KIF21A: variants seen among roughly 807,000 people sequenced by gnomAD.
KIF21A encodes the protein kinesin family member 21A.
Under a neutral mutation model 202.9 loss-of-function variants are expected in KIF21A, and 114 were observed. The observed-to-expected ratio is 0.56, with a 90% confidence interval of 0.48 to 0.66. The LOEUF (loss-of-function observed/expected upper bound fraction) is 0.66. Among genes scored for constraint, KIF21A ranks in the 30% least tolerant of loss-of-function variants. KIF21A has a pLI of 0.00. For synonymous variants in KIF21A, 667 were observed against 670.8 expected, an observed-to-expected ratio of 0.99 and a Z score of 0.09; for missense variants, 1,677 against 1,994.9, an observed-to-expected ratio of 0.84 and a Z score of 3.04.
intron 1 of KIF21A, among the ~76,000 whole-genome samples, chr12:39,383,020 T>C (rs1229127565): frequency 6.6e-6 from 1 of 152,222 alleles, no homozygotes; most frequent in Non-Finnish European, 1.5e-5. Flanking sequence ...CTATTACTTT[T>C]AGGACAAAAT....
At chr12:39,296,850 T>C (rs565355874) in intron 37 of KIF21A, among the ~76,000 whole-genome samples, 1 of 152,308 alleles carries the variant, frequency 6.6e-6, no homozygotes, top group South Asian at 2.1e-4. Context: ...CTACATGAAA[T>C]GGAGGACCAC....
intron 20 of KIF21A, 21 bp downstream of exon 20, chr12:39,332,570 T>A: frequency 6.3e-7 from 1 of 1,599,078 alleles, no homozygotes; most frequent in Non-Finnish European, 8.5e-7. Context: ...GGGGAGCGTA[T>A]CTACTCTCTA....
At chr12:39,322,511 C>T (rs1945386533) in intron 27 of KIF21A, 157 bp downstream of exon 27, 1 of 591,848 alleles carries the variant, frequency 1.7e-6, no homozygotes, top group African/African-American at 1.9e-5. Flanking sequence ...TTCAACTCTC[C>T]AATACCTTAG....
chr12:39,364,084 C>T (rs897884411), intron 6 of KIF21A, among the ~76,000 whole-genome samples: 3 of 152,172 alleles, frequency 2.0e-5, no homozygotes, highest in Non-Finnish European at 4.4e-5. Flanking sequence ...AGTCAAATTA[C>T]AGAACTCTGT....
chr12:39,350,651 C>T (rs1336639622), intron 11 of KIF21A, among the ~76,000 whole-genome samples: 4 of 151,952 alleles, frequency 2.6e-5, no homozygotes, highest in African/African-American at 4.8e-5. Context: ...CTTAATGCTG[C>T]CATAATCAAT....
intron 1 of KIF21A, among the ~76,000 whole-genome samples, chr12:39,394,492 G>A (rs1380308914): frequency 6.6e-6 from 1 of 152,120 alleles, no homozygotes; most frequent in African/African-American, 2.4e-5. Flanking sequence ...TATGTACCAG[G>A]CACTGATTTA....
intron 17 of KIF21A, among the ~76,000 whole-genome samples, chr12:39,336,169 C>A (rs1946948884): frequency 6.6e-6 from 1 of 152,076 alleles, no homozygotes; most frequent in African/African-American, 2.4e-5. Context: ...ATCCTCCGGC[C>A]TCAGTCTCTC....
chr12:39,309,697 T>C lies in KIF21A; in HGVS notation c.4166A>G (p.Asn1389Ser), dbSNP rs745549119. Reference protein sequence around the residue: ...EIMSLGGHPNNVVSVKYCNYT... With the variant: ...EIMSLGGHPNSVVSVKYCNYT... Reference sequence around the variant, plus strand: ...ATTACAGTATTTTACAGACACGACATTGTTGGGATGACCCCCCAGTGACAT... The same window carrying C: ...ATTACAGTATTTTACAGACACGACACTGTTGGGATGACCCCCCAGTGACAT... The change falls in exon 33 of 38, where the codon AAT (asparagine) becomes AGT (serine). Residue 1389 changes from asparagine to serine, a missense_variant. Transcript: ENST00000361418. 2 of 1,613,520 alleles carry C rather than the reference T, an allele frequency of 1.2e-6. No individual in the cohort carries two copies. The highest frequency in any genetic ancestry group is 2.2e-5 in the East Asian group (1 of 44,838).
At chr12:39,433,294 G>A (rs1454290947) in intron 1 of KIF21A, among the ~76,000 whole-genome samples, 1 of 152,056 alleles carries the variant, frequency 6.6e-6, no homozygotes, top group Non-Finnish European at 1.5e-5. Context: ...CTTCAGGCAA[G>A]TCTTTATATA....
intron 1 of KIF21A, among the ~76,000 whole-genome samples, chr12:39,411,242 A>G (rs1228255526): frequency 2.0e-5 from 3 of 152,170 alleles, no homozygotes; most frequent in Non-Finnish European, 2.9e-5. Flanking sequence ...AAGAATGCCA[A>G]CTGTTTAATG....
intron 1 of KIF21A, 147 bp from the exon 2 acceptor site, chr12:39,370,408 T>A: frequency 1.5e-6 from 1 of 645,212 alleles, no homozygotes; most frequent in Non-Finnish European, 2.7e-6. Flanking sequence ...TTTAAATAAA[T>A]TGAATTATAA....
chr12:39,333,256 G>C lies in KIF21A; in HGVS notation c.2443C>G (p.Gln815Glu). The C allele has an allele frequency of 6.2e-7, 1 of 1,612,304 alleles. No homozygotes were observed. Among genetic ancestry groups the C allele is most frequent in the Non-Finnish European group, 8.5e-7 (1 of 1,178,542 alleles). Residue 815 changes from glutamine (Q) to glutamate (E), a missense_variant, in exon 18 of 38, where the codon CAA (glutamine) becomes GAA (glutamate). Transcript: ENST00000361418. The stretch of plus-strand genomic sequence containing the variant: ...AGAACCACTTCTTGGTTTCTTTTTT[G>C]GGCTTCCAGAAGTCTAAGTTGATGC... The part of the protein sequence containing the change: ...RDHQLRLLEA[Q>E]KRNQEVVLRR...
chr12:39,337,468 G>A, intron 16 of KIF21A: 1 of 414,448 alleles, frequency 2.4e-6, no homozygotes, highest in Non-Finnish European at 4.4e-6. Context: ...TTGATACTTA[G>A]CTTACTATCA....
intron 1 of KIF21A, among the ~76,000 whole-genome samples, chr12:39,396,661 G>C (rs962421452): frequency 2.0e-5 from 3 of 152,172 alleles, no homozygotes; most frequent in South Asian, 4.1e-4. Context: ...TCATTTTATA[G>C]AGAAGAAAAG....
At chr12:39,405,971 T>C (rs1952556526) in intron 1 of KIF21A, among the ~76,000 whole-genome samples, 1 of 152,208 alleles carries the variant, frequency 6.6e-6, no homozygotes, top group Admixed American at 6.5e-5. Context: ...ATTTCCCCTT[T>C]AGCTTATATG....
intron 17 of KIF21A, among the ~76,000 whole-genome samples, chr12:39,335,373 T>C (rs1029367932): frequency 7.0e-6 from 1 of 142,266 alleles, no homozygotes. Flanking sequence ...GATCATGCAT[T>C]GCACTCCAGC....
At chr12:39,318,476 T>C (rs1008251841) in intron 28 of KIF21A, among the ~76,000 whole-genome samples, 10 of 152,160 alleles carry the variant, frequency 6.6e-5, no homozygotes, top group Non-Finnish European at 1.3e-4. Flanking sequence ...TTTAAAATTA[T>C]ACAATTTTAG....
intron 1 of KIF21A, among the ~76,000 whole-genome samples, chr12:39,432,024 C>G (rs1348967041): frequency 1.3e-5 from 2 of 152,228 alleles, no homozygotes; most frequent in African/African-American, 4.8e-5. Context: ...TGCCAACCTC[C>G]ACTTTAGGAC....
At chr12:39,330,641 T>G (rs900529640) in intron 23 of KIF21A, 105 bp downstream of exon 23, 4 of 929,668 alleles carry the variant, frequency 4.3e-6, no homozygotes, top group Non-Finnish European at 7.0e-6. Context: ...TGAGTAAATA[T>G]AGCATCTATT....
Sources: allele counts gnomAD v4.1 joint callset (sites outside exome capture counted in the v4.1 genomes callset), GRCh38; gene constraint gnomAD v4.1.1; transcripts MANE v1.5; gene names NCBI Gene and HGNC (gene_info 2026-07-23, HGNC 2026-07-21).